KLHL41: variants seen among roughly 807,000 people sequenced by gnomAD.
KLHL41 encodes the protein kelch-like protein 41.
Under a neutral mutation model 49.2 loss-of-function variants are expected in KLHL41, and 31 were observed. The ratio of observed to expected loss-of-function variants is 0.63; its 90% CI spans 0.47 to 0.85. The LOEUF (loss-of-function observed/expected upper bound fraction) is 0.85, where lower values mean the gene tolerates loss of function less well. Among genes scored for constraint, KLHL41 ranks in the 40% least tolerant of loss-of-function variants. KLHL41 has a pLI of 0.00. For missense variants in KLHL41, 663 were observed against 726.7 expected (o/e 0.91, Z 1.01); for synonymous variants, 218 against 258.5 (o/e 0.84, Z 1.50).
chr2:169,510,007 G>C lies in KLHL41; in HGVS notation c.229G>C (p.Asp77His), dbSNP rs1222243445. The change falls in exon 1 of 6, where the codon GAC (aspartate) becomes CAC (histidine). Residue 77 changes from aspartate (D) to histidine (H), a missense_variant. Physicochemically the swap from Asp to His is moderately conservative, Grantham distance 81. Coordinates refer to ENST00000284669, the MANE Select transcript of KLHL41 (RefSeq NM_006063.3). The surrounding 1 kb of genome is among the most constrained non-coding windows in gnomAD (Gnocchi z 4.2). ...DEAKKKEVVL[D>H]NVDPAILDLI... is the part of the protein sequence containing the mutation. ...GGCGAAAAAAAAGGAGGTAGTGCTA[G>C]ACAATGTGGATCCTGCTATACTTGA... 8 of 1,614,076 alleles carry C rather than the reference G, an allele frequency of 5.0e-6. No homozygotes were observed. The highest frequency in any genetic ancestry group is 6.8e-6 in the Non-Finnish European group (8 of 1,180,046).
chr2:169,510,790 T>G lies in KLHL41; in HGVS notation c.1012T>G (p.Ser338Ala), dbSNP rs1684019822. 1.2e-6 allele frequency: 2 copies of G among 1,614,130 alleles called. No homozygotes were observed. Among genetic ancestry groups the G allele is most frequent in the East Asian group, 4.5e-5 (2 of 44,880 alleles). ...ALAEQIPRNH[S>A]SIVTQQNQIY... is the part of the protein sequence containing the mutation. Reference sequence around the variant, plus strand: ...GGCTGAGCAGATTCCCAGAAATCATTCCAGCATTGTTACCCAGCAAAATCA... The same window carrying G: ...GGCTGAGCAGATTCCCAGAAATCATGCCAGCATTGTTACCCAGCAAAATCA... Residue 338 changes from serine (S) to alanine (A), a missense_variant, in exon 1 of 6, where the codon TCC becomes GCC. By Grantham distance (99) the Ser-to-Ala change is moderately conservative. Coordinates refer to ENST00000284669, the MANE Select transcript of KLHL41 (RefSeq NM_006063.3). This position sits in a 1 kb window ranked among gnomAD's most constrained non-coding sequence, Gnocchi z 4.2.
intron 4 of KLHL41, among the ~76,000 whole-genome samples, chr2:169,518,827 G>A (rs1684156176): frequency 6.6e-6 from 1 of 152,138 alleles, no homozygotes; most frequent in Admixed American, 6.5e-5. Context: ...CTACCACTAT[G>A]CCCAGCTAAT....
Position 169,510,538 on chromosome 2 carries a change from G to A in KLHL41, c.760G>A (p.Val254Ile). Reference protein sequence around the residue: ...SNPDLQKKIKVLKDAFAGKLP... With the variant: ...SNPDLQKKIKILKDAFAGKLP... ...CCCAGACCTCCAGAAAAAAATCAAAGTTCTAAAAGATGCTTTCGCAGGCAA... is the reference window on the plus strand; with the variant it reads ...CCCAGACCTCCAGAAAAAAATCAAAATTCTAAAAGATGCTTTCGCAGGCAA... Residue 254 changes from valine to isoleucine, a missense_variant, in exon 1 of 6, where the codon GTT (valine) becomes ATT (isoleucine). By Grantham distance (29) the Val-to-Ile change is conservative. Around this residue, in one of 3 missense-constraint regions of KLHL41, gnomAD observed 528 missense variants for 581.0 expected, o/e 0.91. Transcript: ENST00000284669. The surrounding 1 kb of genome is among the most constrained non-coding windows in gnomAD (Gnocchi z 4.2). 6.2e-7 allele frequency: 1 copy of A among 1,613,972 alleles called. No individual in the cohort carries two copies. The highest frequency in any genetic ancestry group is 8.5e-7 in the Non-Finnish European group (1 of 1,179,984).
intron 3 of KLHL41, among the ~76,000 whole-genome samples, chr2:169,515,674 AT>A (rs1684106266): frequency 6.6e-6 from 1 of 152,258 alleles, no homozygotes; most frequent in African/African-American, 2.4e-5. Flanking sequence ...TGCATAAAAA[AT>A]ATCATGGATT....
intron 3 of KLHL41, among the ~76,000 whole-genome samples, chr2:169,517,686 C>T (rs1488503436): frequency 6.6e-6 from 1 of 152,112 alleles, no homozygotes; most frequent in African/African-American, 2.4e-5. Context: ...GTTGTCTAAT[C>T]CATAGTCCCA....
Position 169,526,138 on chromosome 2 carries a change from A to C in KLHL41, c.*442A>C, listed in dbSNP as rs753140222. On this transcript the variant is annotated 3_prime_UTR_variant, in exon 6 of 6. Transcript: ENST00000284669. ...CAAAATGACAGGAATCCTGTGCATT[A>C]TACTAAGAATTACATGCCATAAGAT... is the stretch of plus-strand genomic sequence containing the variant. 6.6e-6 allele frequency: 1 copy of C among 152,464 alleles called. No individual in the cohort carries two copies. The highest frequency in any genetic ancestry group is 1.5e-5 in the Non-Finnish European group (1 of 68,252). The allele number at this position is 152,464 out of a possible 1,614,324, so 9.4% of individuals were successfully genotyped here.
At chr2:169,525,165 T>C (rs1384834217) in intron 5 of KLHL41, among the ~76,000 whole-genome samples, 1 of 152,158 alleles carries the variant, frequency 6.6e-6, no homozygotes, top group Non-Finnish European at 1.5e-5. Flanking sequence ...TAGGCACTAG[T>C]GTATAGGAAC....
chr2:169,509,988 A>T lies in KLHL41; in HGVS notation c.210A>T (p.Lys70Asn). ...EYFLSEIDEA[K>N]KKEVVLDNVD... Reference sequence around the variant, plus strand: ...TTTTATCTGAAATTGATGAGGCGAAAAAAAAGGAGGTAGTGCTAGACAATG... The same window carrying T: ...TTTTATCTGAAATTGATGAGGCGAATAAAAAGGAGGTAGTGCTAGACAATG... The change falls in exon 1 of 6, where the codon AAA (lysine) becomes AAT (asparagine). Residue 70 changes from lysine to asparagine, a missense_variant. By Grantham distance (94) the Lys-to-Asn change is moderately conservative (BLOSUM62 0). This residue lies in a region of KLHL41 where 129 missense variants were observed against 122.1 expected (regional missense o/e 1.06). Transcript: ENST00000284669. 6.2e-7 allele frequency: 1 copy of T among 1,614,152 alleles called. No individual in the cohort carries two copies. Among genetic ancestry groups the T allele is most frequent in the East Asian group, 2.2e-5 (1 of 44,884 alleles).
intron 4 of KLHL41, among the ~76,000 whole-genome samples, chr2:169,519,133 T>C (rs1243024954): frequency 6.6e-6 from 1 of 152,208 alleles, no homozygotes; most frequent in Non-Finnish European, 1.5e-5. Flanking sequence ...CTTTACGCTG[T>C]TTATAATTTT....
intron 5 of KLHL41, among the ~76,000 whole-genome samples, chr2:169,521,519 G>C (rs184655999): frequency 1.3e-5 from 2 of 152,032 alleles, no homozygotes; most frequent in Non-Finnish European, 2.9e-5. Flanking sequence ...TCAGCCTCCC[G>C]AGTAGCTGGG....
chr2:169,514,563 G>A lies in KLHL41; in HGVS notation c.1111-11G>A. The A allele has an allele frequency of 1.2e-6, 2 of 1,602,208 alleles. No homozygotes were observed. Among genetic ancestry groups the A allele is most frequent in the Non-Finnish European group, 8.5e-7 (1 of 1,176,334 alleles). On this transcript the variant is annotated splice_polypyrimidine_tract_variant and intron_variant, in intron 1 of 5. Transcript: ENST00000284669. ...ACAGGCTCCACAATCTCTCATATAT[G>A]TTTTTTTCAGCTCGATAGCATAGCA...
chr2:169,525,727 G>T lies in KLHL41; in HGVS notation c.*31G>T. 1 of 1,349,552 alleles carries T rather than the reference G, an allele frequency of 7.4e-7. No individual in the cohort carries two copies. Among genetic ancestry groups the T allele is most frequent in the Non-Finnish European group, 1.1e-6 (1 of 942,520 alleles). The allele number at this position is 1,349,552 out of a possible 1,614,324, so 83.6% of individuals were successfully genotyped here. On this transcript the variant is annotated 3_prime_UTR_variant, in exon 6 of 6. Coordinates refer to ENST00000284669, the MANE Select transcript of KLHL41 (RefSeq NM_006063.3). ...GTGACAAAACATAATAGATTGGGAG[G>T]TGGTTTGTTTGGTGAATGGGGCTTT...
chr2:169,509,879 A>G lies in KLHL41; in HGVS notation c.101A>G (p.Asp34Gly), dbSNP rs2105307804. 2 of 1,614,156 alleles carry G rather than the reference A, an allele frequency of 1.2e-6. No individual in the cohort carries two copies. The highest frequency in any genetic ancestry group is 1.7e-6 in the Non-Finnish European group (2 of 1,180,040). ...CTCCTGGATGAGAAAAAATTCATCG[A>G]TTGCACCCTAAAAGCAGGTGACAAA... ...KDLLDEKKFI[D>G]CTLKAGDKSL... The change falls in exon 1 of 6, where the codon GAT becomes GGT. Residue 34 changes from aspartate to glycine, a missense_variant. Asp to Gly is a moderately conservative substitution (Grantham distance 94). Coordinates refer to ENST00000284669, the MANE Select transcript of KLHL41 (RefSeq NM_006063.3).
At chr2:169,516,480 T>C (rs956048773) in intron 3 of KLHL41, among the ~76,000 whole-genome samples, 14 of 152,292 alleles carry the variant, frequency 9.2e-5, no homozygotes, top group African/African-American at 3.4e-4. Flanking sequence ...ATTTTGGGCA[T>C]TTTTCCTGAG....
chr2:169,517,404 A>C (rs759133534), intron 3 of KLHL41, among the ~76,000 whole-genome samples: 8 of 152,150 alleles, frequency 5.3e-5, no homozygotes, highest in Non-Finnish European at 1.2e-4. Context: ...GGAATTCGAG[A>C]CCAGCCTGGC....
Position 169,510,639 on chromosome 2 carries a change from A to G in KLHL41, c.861A>G (p.Leu287=). The part of the protein sequence containing the change: ...EVNGDVGDED[L]LPGYLNDIPR... ...ATGGTGATGTTGGTGATGAAGATTT[A>G]CTTCCTGGTTACCTGAATGACATTC... The change falls in exon 1 of 6, where the codon TTA becomes TTG. Residue 287 remains leucine, a synonymous_variant. Transcript: ENST00000284669. The surrounding 1 kb of genome is among the most constrained non-coding windows in gnomAD (Gnocchi z 4.2). The G allele has an allele frequency of 6.2e-7, 1 of 1,614,210 alleles. No homozygotes were observed. The highest frequency in any genetic ancestry group is 8.5e-7 in the Non-Finnish European group (1 of 1,180,028).
intron 3 of KLHL41, among the ~76,000 whole-genome samples, chr2:169,517,367 C>T (rs1684132473): frequency 6.6e-6 from 1 of 152,216 alleles, no homozygotes; most frequent in South Asian, 2.1e-4. Flanking sequence ...CTTTGGGAGG[C>T]TGAGGCTGGA....
At chr2:169,520,227 G>A (rs1399545665) in intron 4 of KLHL41, among the ~76,000 whole-genome samples, 13 of 133,664 alleles carry the variant, frequency 9.7e-5, no homozygotes, top group African/African-American at 3.5e-4. Context: ...CCATTTTGTT[G>A]CCCAGGCTGG....
chr2:169,521,609 T>A (rs1331777636), intron 5 of KLHL41, among the ~76,000 whole-genome samples: 1 of 152,102 alleles, frequency 6.6e-6, no homozygotes, highest in East Asian at 1.9e-4. Flanking sequence ...GCCAGGCTGG[T>A]CTCGAACTCC....
Sources: gnomAD v4.1 joint callset for allele counts (sites outside exome capture counted in the v4.1 genomes callset) on GRCh38, gnomAD v4.1.1 for gene constraint, gnomAD v4.1.1 regional missense constraint, Gnocchi (gnomAD v3.1) non-coding constraint, MANE v1.5 for transcripts, NCBI Gene and HGNC (gene_info 2026-07-23, HGNC 2026-07-21) for gene names.